The following SCEL variants were observed in gnomAD, a reference collection of about 807,000 sequenced individuals.
The protein encoded by SCEL is sciellin.
Under a neutral mutation model 117.6 loss-of-function variants are expected in SCEL, and 113 were observed. That is an observed-to-expected ratio of 0.96 (90% CI 0.83 to 1.12). The LOEUF (loss-of-function observed/expected upper bound fraction) is 1.12. Among genes scored for constraint, SCEL ranks in the 50% most tolerant of loss-of-function variants. SCEL has a pLI of 0.00. For synonymous variants in SCEL, 270 were observed against 256.2 expected (o/e 1.05, Z -0.51); for missense variants, 785 against 810.8 (o/e 0.97, Z 0.39).
chr13:77,635,495 A>G (rs183830074), intron 29 of SCEL, among the ~76,000 whole-genome samples: 205 of 152,328 alleles, frequency 1.3e-3, no homozygotes, highest in Non-Finnish European at 2.4e-3. Flanking sequence ...TCACATTTTT[A>G]TCCTTATGGG....
At chr13:77,623,312 T>C (rs2089527172) in intron 27 of SCEL, 1 of 152,240 alleles carries the variant, frequency 6.6e-6, no homozygotes, top group Admixed American at 6.5e-5. Context: ...GTACTTTTCT[T>C]CTTCTAGAAC....
At chr13:77,584,282 C>T (rs1414498747) in intron 9 of SCEL, among the ~76,000 whole-genome samples, 2 of 152,164 alleles carry the variant, frequency 1.3e-5, no homozygotes, top group Admixed American at 6.5e-5. Flanking sequence ...TCTCATTGCC[C>T]GCCCCACCCC....
At chr13:77,591,749 C>T (rs1197890663) in intron 11 of SCEL, among the ~76,000 whole-genome samples, 1 of 152,164 alleles carries the variant, frequency 6.6e-6, no homozygotes, top group Non-Finnish European at 1.5e-5. Context: ...ATTCCCAGGA[C>T]CTGCTCTGAG....
At chr13:77,628,095 A>ATG (rs1385567085) in intron 28 of SCEL, 86 bp downstream of exon 28, 33 of 263,702 alleles carry the variant, frequency 1.3e-4, no homozygotes, top group Admixed American at 2.3e-4. Flanking sequence ...TTATATATAT[A>ATG]AAATATAATA....
chr13:77,568,981 A>G (rs1004864580), intron 7 of SCEL, among the ~76,000 whole-genome samples: 1 of 152,210 alleles, frequency 6.6e-6, no homozygotes, highest in Non-Finnish European at 1.5e-5. Flanking sequence ...TTAAGATGGT[A>G]TGATTTAAAA....
At position 77,537,151 on chromosome 13, in the gene SCEL, C is replaced by T. The variant is rs2083455528; in HGVS notation, c.-20+1327C>T. Among the ~76,000 whole-genome samples, 3 of 152,162 alleles carry T rather than the reference C, an allele frequency of 2.0e-5. No individual in the cohort carries two copies. The South Asian group carries it at 6.2e-4, about 32-fold the overall frequency. On this transcript the variant is annotated intron_variant, in intron 1 of 32. Transcript: ENST00000349847. ...AGATGATCCTAAATGTCGGGATATG[C>T]ATAGAATGCCAACAACAGGCCAGAA... is the stretch of plus-strand genomic sequence containing the variant.
intron 4 of SCEL, among the ~76,000 whole-genome samples, chr13:77,561,253 A>G (rs188614265): frequency 6.6e-6 from 1 of 152,352 alleles, no homozygotes; most frequent in East Asian, 1.9e-4. Context: ...AGTGTGAAAT[A>G]CGCTTCATAT....
At chr13:77,618,217 A>G (rs940873146) in intron 27 of SCEL, among the ~76,000 whole-genome samples, 157 bp downstream of exon 27, 2 of 147,150 alleles carry the variant, frequency 1.4e-5, no homozygotes, top group Non-Finnish European at 1.5e-5. Flanking sequence ...ATTTCATTCT[A>G]TCACCCAGGC....
At chr13:77,593,378 C>T in intron 11 of SCEL, 136 bp from the exon 12 acceptor site, 2 of 584,698 alleles carry the variant, frequency 3.4e-6, no homozygotes, top group Non-Finnish European at 6.1e-6. Flanking sequence ...ACCATTTTGT[C>T]ATTCTGTTAA....
intron 14 of SCEL, 113 bp downstream of exon 14, chr13:77,599,501 G>A: frequency 1.1e-6 from 1 of 939,536 alleles, no homozygotes; most frequent in South Asian, 1.5e-5. Flanking sequence ...TGTACTGGCA[G>A]ATGGGGTAGT....
chr13:77,630,966 C>A (rs1054990934), intron 28 of SCEL, among the ~76,000 whole-genome samples: 1 of 152,150 alleles, frequency 6.6e-6, no homozygotes. Context: ...TCTTCTGTTG[C>A]GCTGTTTCCC....
intron 32 of SCEL, among the ~76,000 whole-genome samples, chr13:77,643,924 A>G (rs1275074247): frequency 6.6e-6 from 1 of 152,112 alleles, no homozygotes; most frequent in Non-Finnish European, 1.5e-5. Flanking sequence ...TTATTCTCCC[A>G]GAGTTCATGA....
chr13:77,615,469 T>C (rs2088953237), intron 24 of SCEL, among the ~76,000 whole-genome samples: 1 of 152,168 alleles, frequency 6.6e-6, no homozygotes, highest in Non-Finnish European at 1.5e-5. Context: ...CAGGGTTACT[T>C]GAAAGAATAC....
chr13:77,599,191 C>A (rs1030575828), intron 13 of SCEL, 138 bp from the exon 14 acceptor site: 25 of 628,342 alleles, frequency 4.0e-5, no homozygotes, highest in Non-Finnish European at 5.6e-5. Context: ...TATGAATATA[C>A]CTATTTCAAG....
At chr13:77,593,287 T>TGC (rs2086993409) in intron 11 of SCEL, among the ~76,000 whole-genome samples, 1 of 113,354 alleles carries the variant, frequency 8.8e-6, no homozygotes, top group Admixed American at 9.3e-5. Context: ...TGTGTGTGTG[T>TGC]GTGTGTGTGT....
rs571106571 is a variant in SCEL at position 77,580,013 on chromosome 13, C to A, written c.545+7824C>A. 2.5e-4 allele frequency among the ~76,000 whole-genome samples: 38 copies of A among 152,296 alleles called. 2 individuals carry two copies. The South Asian group carries it at 7.7e-3, about 31-fold the overall frequency. On this transcript the variant is annotated intron_variant, in intron 9 of 32. Coordinates refer to ENST00000349847, the MANE Select transcript of SCEL (RefSeq NM_144777.3). ...AGTGGTAGCATGAAATCCAGTAATT[C>A]CAAATCTGATGTTATGTGGGAAAAT...
At chr13:77,625,547 G>T (rs1230110402) in intron 27 of SCEL, among the ~76,000 whole-genome samples, 1 of 152,108 alleles carries the variant, frequency 6.6e-6, no homozygotes, top group Non-Finnish European at 1.5e-5. Context: ...GCATTAATTG[G>T]CATAGTTCCA....
intron 1 of SCEL, among the ~76,000 whole-genome samples, 166 bp downstream of exon 1, chr13:77,535,990 C>A (rs914330432): frequency 6.6e-6 from 1 of 152,058 alleles, no homozygotes; most frequent in Non-Finnish European, 1.5e-5. Flanking sequence ...CTCTTCCTTG[C>A]TGTACTTTTA....
intron 19 of SCEL, among the ~76,000 whole-genome samples, chr13:77,605,863 G>C (rs923260822): frequency 2.0e-5 from 3 of 151,938 alleles, no homozygotes; most frequent in Admixed American, 6.6e-5. Context: ...AAAGTTAGCT[G>C]GGCGTCCCAA....
Sources: gnomAD v4.1 joint callset for allele counts (sites outside exome capture counted in the v4.1 genomes callset) on GRCh38, gnomAD v4.1.1 for gene constraint, MANE v1.5 for transcripts, NCBI Gene and HGNC (gene_info 2026-07-23, HGNC 2026-07-21) for gene names.